Variants in ADGRV1 observed in about 807,000 individuals in gnomAD.
The protein encoded by ADGRV1 is G-protein coupled receptor 98.
ADGRV1 carries 359 observed loss-of-function variants against 596.2 expected under a neutral mutation model. The ratio of observed to expected loss-of-function variants is 0.60; its 90% CI spans 0.55 to 0.66. The LOEUF is 0.66. ADGRV1 is among the 30% of genes least tolerant of loss of function. The pLI is 0.00. For synonymous variants in ADGRV1, 2,681 were observed against 2,679.2 expected, an observed-to-expected ratio of 1.00 and a Z score of -0.02; for missense variants, 7,274 against 7,575.6, an observed-to-expected ratio of 0.96 and a Z score of 1.48.
At chr5:90,632,221 A>G (rs1765597482) in intron 9 of ADGRV1, among the ~76,000 whole-genome samples, 1 of 152,104 alleles carries the variant, frequency 6.6e-6, no homozygotes, top group Non-Finnish European at 1.5e-5. Flanking sequence ...CAAGAACCAG[A>G]TTATTAAAAC....
intron 83 of ADGRV1, among the ~76,000 whole-genome samples, chr5:90,938,126 G>A (rs985769410): frequency 2.6e-5 from 4 of 152,004 alleles, no homozygotes; most frequent in Non-Finnish European, 2.9e-5. Context: ...TATTTAGAGT[G>A]GACTTTCCTG....
intron 79 of ADGRV1, 66 bp from the exon 80 acceptor site, chr5:90,853,218 A>T (rs1015076752): frequency 6.9e-7 from 1 of 1,446,796 alleles, no homozygotes; most frequent in Non-Finnish European, 9.3e-7. Context: ...CACTTTAACA[A>T]ATATAAGTGG....
At chr5:90,922,594 C>T (rs115080290) in intron 83 of ADGRV1, among the ~76,000 whole-genome samples, 1,996 of 152,260 alleles carry the variant, frequency 0.013, 50 homozygotes, top group African/African-American at 0.046. Flanking sequence ...CTATCAGTAG[C>T]TTTCCTAGAT....
At chr5:90,848,573 A>G (rs981944051) in intron 78 of ADGRV1, 64 bp from the exon 79 acceptor site, 18 of 834,292 alleles carry the variant, frequency 2.2e-5, no homozygotes, top group Non-Finnish European at 2.9e-5. Context: ...ACATATATGT[A>G]TAGCATATAA....
intron 84 of ADGRV1, among the ~76,000 whole-genome samples, chr5:90,982,861 G>A (rs1039637399): frequency 1.3e-5 from 2 of 152,108 alleles, no homozygotes; most frequent in Admixed American, 6.5e-5. Context: ...AGAGAGGCAG[G>A]GTTTGGAAAA....
chr5:90,738,989 C>CT (rs1220787713), intron 50 of ADGRV1, among the ~76,000 whole-genome samples: 2 of 151,734 alleles, frequency 1.3e-5, no homozygotes, highest in Non-Finnish European at 2.9e-5. Flanking sequence ...CTTTTTCATT[C>CT]TTTTTTATTT....
intron 85 of ADGRV1, among the ~76,000 whole-genome samples, chr5:91,024,123 T>G (rs910276792): frequency 6.6e-5 from 10 of 152,152 alleles, no homozygotes; most frequent in African/African-American, 2.2e-4. Context: ...AGGATTGAGT[T>G]CCTCCTCTCT....
chr5:91,009,628 A>G (rs111434069), intron 85 of ADGRV1, among the ~76,000 whole-genome samples: 32 of 152,034 alleles, frequency 2.1e-4, no homozygotes, highest in African/African-American at 7.7e-4. Flanking sequence ...TTTCTTTTCT[A>G]AAAGCTATAA....
intron 1 of ADGRV1, among the ~76,000 whole-genome samples, chr5:90,602,582 G>C (rs920281116): frequency 6.6e-6 from 1 of 152,158 alleles, no homozygotes; most frequent in African/African-American, 2.4e-5. Flanking sequence ...CAGAATACCT[G>C]ACCACATTCC....
chr5:90,776,228 C>T (rs1758209991), intron 60 of ADGRV1, among the ~76,000 whole-genome samples: 1 of 151,894 alleles, frequency 6.6e-6, no homozygotes, highest in East Asian at 1.9e-4. Context: ...TTTTTCTGCC[C>T]CTTTCATTAA....
At chr5:90,600,798 T>C (rs1761300873) in intron 1 of ADGRV1, among the ~76,000 whole-genome samples, 1 of 152,182 alleles carries the variant, frequency 6.6e-6, no homozygotes, top group Non-Finnish European at 1.5e-5. Flanking sequence ...AATTCCATTT[T>C]GTGTCAAAAG....
intron 59 of ADGRV1, among the ~76,000 whole-genome samples, chr5:90,765,470 C>CACAT (rs546930616): frequency 2.7e-5 from 4 of 149,338 alleles, no homozygotes; most frequent in Non-Finnish European, 5.9e-5. Context: ...CACACACACA[C>CACAT]AAACTCTAGA....
At chr5:90,837,410 G>A (rs543791096) in intron 77 of ADGRV1, among the ~76,000 whole-genome samples, 3 of 142,540 alleles carry the variant, frequency 2.1e-5, no homozygotes, top group East Asian at 2.0e-4. Flanking sequence ...TTGCCCTGTC[G>A]CCCTGGCTGG....
chr5:91,154,398 T>C (rs1009822620), intron 89 of ADGRV1, among the ~76,000 whole-genome samples: 1 of 152,274 alleles, frequency 6.6e-6, no homozygotes. Context: ...AGTTAAAATT[T>C]TATTATATCT....
intron 58 of ADGRV1, among the ~76,000 whole-genome samples, chr5:90,760,238 T>A (rs1378515135): frequency 6.9e-6 from 1 of 145,286 alleles, no homozygotes; most frequent in Non-Finnish European, 1.5e-5. Context: ...ATCACGCCAC[T>A]GCGCTCCAGC....
intron 85 of ADGRV1, among the ~76,000 whole-genome samples, chr5:91,007,168 C>T (rs898633000): frequency 3.9e-5 from 6 of 152,186 alleles, no homozygotes; most frequent in African/African-American, 1.4e-4. Context: ...AAAAAATCTT[C>T]ACCAGTTGAA....
At chr5:90,961,564 G>T (rs777981991) in intron 83 of ADGRV1, among the ~76,000 whole-genome samples, 2 of 147,576 alleles carry the variant, frequency 1.4e-5, no homozygotes, top group Non-Finnish European at 3.0e-5. Flanking sequence ...GAGAGTATCC[G>T]TAGTAAACTG....
chr5:90,605,049 G>C (rs1761906718), intron 1 of ADGRV1, among the ~76,000 whole-genome samples: 2 of 152,118 alleles, frequency 1.3e-5, no homozygotes, highest in African/African-American at 4.8e-5. Flanking sequence ...TCTGTTTTTT[G>C]ATGACTCATG....
intron 50 of ADGRV1, among the ~76,000 whole-genome samples, chr5:90,730,719 T>G (rs1752442773): frequency 6.6e-6 from 1 of 152,162 alleles, no homozygotes; most frequent in Non-Finnish European, 1.5e-5. Context: ...GAGATGAAGC[T>G]GAGGCCAGTG....
Sources: allele counts gnomAD v4.1 joint callset (sites outside exome capture counted in the v4.1 genomes callset), GRCh38; gene constraint gnomAD v4.1.1; transcripts MANE v1.5; gene names NCBI Gene and HGNC (gene_info 2026-07-23, HGNC 2026-07-21).